CUX2: variants seen among roughly 807,000 people sequenced by gnomAD.
CUX2 encodes the protein cut like homeobox 2, also known as homeobox protein cut-like 2.
In CUX2, 40 loss-of-function variants were observed where a neutral mutation model predicts 144.8. That is an observed-to-expected ratio of 0.28 (90% CI 0.21 to 0.36). The LOEUF (loss-of-function observed/expected upper bound fraction) is 0.36, where lower values mean the gene tolerates loss of function less well. Among genes scored for constraint, CUX2 ranks in the 10% least tolerant of loss-of-function variants. The probability of loss-of-function intolerance (pLI) is 1.00; values close to 1 mark genes in which losing one functional copy is unlikely to be tolerated. For missense variants in CUX2, 1,615 were observed against 1,994.0 expected (o/e 0.81, Z 3.62); for synonymous variants, 827 against 875.6 (o/e 0.94, Z 0.98).
intron 4 of CUX2, among the ~76,000 whole-genome samples, chr12:111,282,193 G>A (rs1322899586): frequency 6.6e-6 from 1 of 151,766 alleles, no homozygotes; most frequent in African/African-American, 2.4e-5. Flanking sequence ...GAGGTGGTGG[G>A]CGCCTGTAGC....
chr12:111,042,689 C>CG (rs1264976938), intron 1 of CUX2, among the ~76,000 whole-genome samples: 3 of 152,046 alleles, frequency 2.0e-5, no homozygotes, highest in African/African-American at 7.3e-5. Flanking sequence ...TGGAGTGCAA[C>CG]GGTGCCATCA....
Position 111,165,459 on chromosome 12 carries a change from C to A in CUX2, c.64-48741C>A, listed in dbSNP as rs143370452. Among the ~76,000 whole-genome samples, 116 of 152,316 alleles carry A rather than the reference C, an allele frequency of 7.6e-4. 1 individual carries two copies. The highest frequency in any genetic ancestry group is 2.7e-3 in the African/African-American group (114 of 41,552). On this transcript the variant is annotated intron_variant, in intron 1 of 21. Transcript: ENST00000261726. Reference sequence around the variant, plus strand: ...AGACTGTCGTCTGTCTCTACCAAGACGGTCAGTGTTATTGTCTCATGGCGG... The same window carrying A: ...AGACTGTCGTCTGTCTCTACCAAGAAGGTCAGTGTTATTGTCTCATGGCGG...
At chr12:111,314,243 T>C (rs1565912227) in intron 16 of CUX2, among the ~76,000 whole-genome samples, 1 of 152,178 alleles carries the variant, frequency 6.6e-6, no homozygotes, top group Admixed American at 6.5e-5. Flanking sequence ...AGACATGATA[T>C]GGAGATGAAA....
At chr12:111,067,381 C>A (rs1435260173) in intron 1 of CUX2, among the ~76,000 whole-genome samples, 1 of 152,206 alleles carries the variant, frequency 6.6e-6, no homozygotes, top group Non-Finnish European at 1.5e-5. Flanking sequence ...AAGTCTAGAG[C>A]CGCCTGGAGG....
At chr12:111,257,326 TTCCTCCCCTTCCTCCTCTTCC>T (rs1883871045) in intron 3 of CUX2, among the ~76,000 whole-genome samples, 1 of 117,468 alleles carries the variant, frequency 8.5e-6, no homozygotes, top group Non-Finnish European at 1.8e-5. Context: ...CTCCTCCCTC[TTCCTCCCCTTCCTCCTCTTCC>T]TCCTCCGCTT....
chr12:111,306,572 T>C (rs1050545773), intron 10 of CUX2, among the ~76,000 whole-genome samples: 23 of 152,192 alleles, frequency 1.5e-4, no homozygotes, highest in African/African-American at 4.6e-4. Context: ...TTGCCTAGAA[T>C]GGGGACATCC....
At chr12:111,243,202 C>T (rs903327292) in intron 3 of CUX2, among the ~76,000 whole-genome samples, 5 of 152,062 alleles carry the variant, frequency 3.3e-5, no homozygotes, top group Admixed American at 3.3e-4. Flanking sequence ...TCCCATGGAC[C>T]CAGTTTCAAC....
intron 3 of CUX2, among the ~76,000 whole-genome samples, chr12:111,233,195 C>T (rs1882565481): frequency 6.6e-6 from 1 of 152,194 alleles, no homozygotes; most frequent in South Asian, 2.1e-4. Flanking sequence ...CAGGTCTGCT[C>T]CTGTGCCCTG....
At chr12:111,064,435 C>T (rs1870939531) in intron 1 of CUX2, among the ~76,000 whole-genome samples, 1 of 152,198 alleles carries the variant, frequency 6.6e-6, no homozygotes, top group Non-Finnish European at 1.5e-5. Context: ...TGTCAGTTGG[C>T]ATCATGCACA....
chr12:111,322,569 G>A lies in CUX2; in HGVS notation c.2915G>A (p.Gly972Asp). 2 of 1,608,918 alleles carry A rather than the reference G, an allele frequency of 1.2e-6. No individual in the cohort carries two copies. The highest frequency in any genetic ancestry group is 1.7e-6 in the Non-Finnish European group (2 of 1,179,642). ...QLGQAVGQQP[G>D]ASQASPTEPR... ...GGCCAGGCAGTGGGCCAGCAGCCTG[G>A]TGCCTCCCAGGGTGAGTGCGGGCAG... is the stretch of plus-strand genomic sequence containing the variant. The change falls in exon 18 of 22, where the codon GGT becomes GAT. Residue 972 changes from glycine to aspartate, a missense_variant. Coordinates refer to ENST00000261726, the MANE Select transcript of CUX2 (RefSeq NM_015267.4). This position sits in a 1 kb window ranked among gnomAD's most constrained non-coding sequence, Gnocchi z 4.2.
intron 3 of CUX2, among the ~76,000 whole-genome samples, chr12:111,226,638 A>G (rs569330229): frequency 1.3e-5 from 2 of 152,304 alleles, no homozygotes; most frequent in African/African-American, 4.8e-5. Flanking sequence ...CGTGAACCAC[A>G]TATTTATATG....
chr12:111,210,847 C>T (rs2136220888), intron 1 of CUX2, among the ~76,000 whole-genome samples: 1 of 151,874 alleles, frequency 6.6e-6, no homozygotes, highest in East Asian at 1.9e-4. Flanking sequence ...TTTACACATC[C>T]ATATCATTTA....
At chr12:111,098,139 G>A (rs959431647) in intron 1 of CUX2, among the ~76,000 whole-genome samples, 2 of 152,106 alleles carry the variant, frequency 1.3e-5, no homozygotes, top group South Asian at 4.1e-4. Flanking sequence ...GTGGCTTTAC[G>A]CCTGTAATAC....
Position 111,278,904 on chromosome 12 carries a change from T to C in CUX2, c.302-12514T>C, listed in dbSNP as rs116689435. Among the ~76,000 whole-genome samples, 207 of 152,274 alleles carry C rather than the reference T, an allele frequency of 1.4e-3. 1 individual carries two copies. The highest frequency in any genetic ancestry group is 4.2e-3 in the African/African-American group (175 of 41,548). On this transcript the variant is annotated intron_variant, in intron 4 of 21. Transcript: ENST00000261726. ...CATAGAAGTTGGCAGAATCCTGTAA[T>C]TGTCTGGATGTTAGTAATTTTTTCC...
chr12:111,302,326 T>C (rs1886332378), intron 9 of CUX2, among the ~76,000 whole-genome samples: 1 of 152,198 alleles, frequency 6.6e-6, no homozygotes, highest in Non-Finnish European at 1.5e-5. Flanking sequence ...TAACCAATTA[T>C]TGATGCATTT....
intron 1 of CUX2, among the ~76,000 whole-genome samples, chr12:111,076,718 C>A (rs1286208182): frequency 1.3e-5 from 2 of 152,326 alleles, no homozygotes; most frequent in Admixed American, 1.3e-4. Flanking sequence ...ATTTTCCCCT[C>A]CCAAGTCCTC....
chr12:111,301,410 G>A (rs975233220), intron 9 of CUX2, among the ~76,000 whole-genome samples: 1 of 152,138 alleles, frequency 6.6e-6, no homozygotes, highest in Non-Finnish European at 1.5e-5. Flanking sequence ...GAGAGAGGAA[G>A]GGAAAGAATC....
chr12:111,218,834 A>C (rs2136230213), intron 3 of CUX2, among the ~76,000 whole-genome samples: 1 of 152,310 alleles, frequency 6.6e-6, no homozygotes, highest in African/African-American at 2.4e-5. Flanking sequence ...TGCTTTTTGG[A>C]AGCCCTGTGA....
At chr12:111,206,347 A>G (rs962996301) in intron 1 of CUX2, among the ~76,000 whole-genome samples, 4 of 152,196 alleles carry the variant, frequency 2.6e-5, no homozygotes, top group Admixed American at 6.5e-5. Flanking sequence ...AAAAAAGTTA[A>G]GGGCTTTTGC....
Sources: gnomAD v4.1 joint callset for allele counts (sites outside exome capture counted in the v4.1 genomes callset) on GRCh38, gnomAD v4.1.1 for gene constraint, Gnocchi (gnomAD v3.1) non-coding constraint, MANE v1.5 for transcripts, NCBI Gene and HGNC (gene_info 2026-07-23, HGNC 2026-07-21) for gene names.